Variants in LAMA5 observed in about 807,000 individuals in gnomAD.
LAMA5 encodes laminin subunit alpha-5.
LAMA5 carries 260 observed loss-of-function variants against 433.4 expected under a neutral mutation model. The ratio of observed to expected loss-of-function variants is 0.60; its 90% CI spans 0.54 to 0.66. The LOEUF (loss-of-function observed/expected upper bound fraction) is 0.66. Ranked by LOEUF, LAMA5 falls within the 30% of genes least tolerant of loss-of-function variation. LAMA5 has a pLI of 0.00. For missense variants in LAMA5, 5,378 were observed against 5,258.5 expected, an observed-to-expected ratio of 1.02 and a Z score of -0.70; for synonymous variants, 2,620 against 2,226.6, an observed-to-expected ratio of 1.18 and a Z score of -4.97.
intron 2 of LAMA5, among the ~76,000 whole-genome samples, chr20:62,361,134 G>A (rs536438060): frequency 1.4e-4 from 21 of 152,262 alleles, no homozygotes; most frequent in African/African-American, 5.1e-4. Context: ...CAGCCAAGGT[G>A]GGGGCCTCTG....
At position 62,330,798 on chromosome 20, in the gene LAMA5, C is replaced by T. The variant is rs751200876; in HGVS notation, c.3797G>A (p.Arg1266Gln). 4.3e-5 allele frequency: 67 copies of T among 1,559,026 alleles called. No homozygotes were observed. Among genetic ancestry groups the T allele is most frequent in the Non-Finnish European group, 5.6e-5 (64 of 1,153,066 alleles). Residue 1266 changes from arginine to glutamine, a missense_variant, in exon 30 of 80, where the codon CGG becomes CAG. Transcript: ENST00000252999. ...ATCAGGGTCCACAGCGGTGGGGGGC[C>T]GAGGTCGGGGTCCAGCTGGGGACAT... The part of the protein sequence containing the change: ...PAMSPAGPRP[R>Q]PPTAVDPDAE...
chr20:62,326,938 T>A lies in LAMA5; in HGVS notation c.5141A>T (p.Tyr1714Phe), dbSNP rs368392903. The part of the protein sequence containing the change: ...RVSSYGGTLR[Y>F]ELHSETQRGD... ...CCGCTGGGTCTCTGAGTGCAGTTCA[T>A]AACGGAGGGTCCCACCGTAGGATGA... The change falls in exon 39 of 80, where the codon TAT becomes TTT. Residue 1714 changes from tyrosine (Y) to phenylalanine (F), a missense_variant. Coordinates refer to ENST00000252999, the MANE Select transcript of LAMA5 (RefSeq NM_005560.6). 2.5e-6 allele frequency: 4 copies of A among 1,610,994 alleles called. No homozygotes were observed. The highest frequency in any genetic ancestry group is 3.4e-6 in the Non-Finnish European group (4 of 1,178,492).
At chr20:62,326,410 A>C in intron 40 of LAMA5, 1 of 430,230 alleles carries the variant, frequency 2.3e-6, no homozygotes, top group East Asian at 3.7e-5. Context: ...GCATGGAGGA[A>C]GCCAACAGCT....
Position 62,322,719 on chromosome 20 carries a change from G to GGTAC in LAMA5, c.6103_6104insGTAC (p.Pro2035ArgfsTer19), listed in dbSNP as rs1978501755. The GGTAC allele has an allele frequency of 6.5e-7, 1 of 1,538,530 alleles. No homozygotes were observed. Among genetic ancestry groups the GGTAC allele is most frequent in the Non-Finnish European group, 8.7e-7 (1 of 1,143,828 alleles). On this transcript the variant is annotated frameshift_variant, in exon 46 of 80. Transcript: ENST00000252999. LOFTEE classifies it high-confidence loss of function. ...CTTGCACAGGCAGTGCCCGCTGTGGGGGTCGCAGGCCTCTGTCCCACATGG... is the reference window on the plus strand; with the variant it reads ...CTTGCACAGGCAGTGCCCGCTGTGGGGTACGGTCGCAGGCCTCTGTCCCACATGG...
Position 62,311,067 on chromosome 20 carries a change from C to G in LAMA5, c.10116G>C (p.Pro3372=), listed in dbSNP as rs141956594. Residue 3372 remains proline, a synonymous_variant, in exon 74 of 80, where the codon CCG becomes CCC. Transcript: ENST00000252999. ...AGAGGAGGAGGCCTCGGGAGCTTCG[C>G]GGGAGGACGTGCATGGAGAGACTGG... ...NWPSLSMHVL[P]RSSRGLLLFT... 2 of 1,594,322 alleles carry G rather than the reference C, an allele frequency of 1.3e-6. No homozygotes were observed. The highest frequency in any genetic ancestry group is 2.3e-5 in the South Asian group (2 of 88,802).
rs368044468 is a variant in LAMA5 at position 62,323,781 on chromosome 20, G to A, written c.5844C>T (p.Cys1948=). ...CTGCCCTAGCCCCAGCTCACCGCTC[G>A]CAGGAGGCACCTGCATAACCAGGTT... is the stretch of plus-strand genomic sequence containing the variant. ...LCKPGYAGAS[C]ERCAPGFFGN... The change falls in exon 44 of 80, where the codon TGC becomes TGT. Residue 1948 remains cysteine, a synonymous_variant. Transcript: ENST00000252999. The A allele has an allele frequency of 1.4e-4, 225 of 1,609,718 alleles. 2 individuals carry two copies. Among genetic ancestry groups the A allele is most frequent in the South Asian group, 1.2e-3 (113 of 90,696 alleles).
In LAMA5 at chr20:62,314,543, C is replaced by A; in HGVS notation, c.8367+12G>T. 2 of 1,605,916 alleles carry A rather than the reference C, an allele frequency of 1.2e-6. No individual in the cohort carries two copies. The highest frequency in any genetic ancestry group is 1.7e-6 in the Non-Finnish European group (2 of 1,175,628). ...CTGAGCTCGGGCCGCATCCACCCAG[C>A]CAGCCTGGTACCTGGCGGCTGCCCA... On this transcript the variant is annotated intron_variant, in intron 61 of 79. Coordinates refer to ENST00000252999, the MANE Select transcript of LAMA5 (RefSeq NM_005560.6).
chr20:62,317,822 A>G lies in LAMA5; in HGVS notation c.7240-44T>C, dbSNP rs1987129025. 4.5e-6 allele frequency: 5 copies of G among 1,107,432 alleles called. No individual in the cohort carries two copies. In the East Asian group the frequency reaches 1.6e-4, roughly 36 times the overall value. The allele number at this position is 1,107,432 out of a possible 1,614,324, so 68.6% of individuals were successfully genotyped here. Reference sequence around the variant, plus strand: ...AGTTGGGGACAATGAGGGGTAAGAAAAGAATAAAGGATGTGATGGGGTGGA... The same window carrying G: ...AGTTGGGGACAATGAGGGGTAAGAAGAGAATAAAGGATGTGATGGGGTGGA... On this transcript the variant is annotated intron_variant, in intron 53 of 79. Coordinates refer to ENST00000252999, the MANE Select transcript of LAMA5 (RefSeq NM_005560.6).
chr20:62,366,259 C>T (rs1047000730), intron 1 of LAMA5, among the ~76,000 whole-genome samples: 10 of 152,186 alleles, frequency 6.6e-5, no homozygotes, highest in African/African-American at 2.4e-4. Context: ...TGGAGTCCAC[C>T]AACAGAACCC....
At chr20:62,327,181 G>A (rs373768042) in intron 38 of LAMA5, 52 bp downstream of exon 38, 189 of 1,439,110 alleles carry the variant, frequency 1.3e-4, no homozygotes, top group Non-Finnish European at 1.7e-4. Context: ...AACCCTCTCA[G>A]GCGTCCTGGC....
chr20:62,316,443 C>A, intron 57 of LAMA5: 1 of 520,884 alleles, frequency 1.9e-6, no homozygotes, highest in Non-Finnish European at 3.4e-6. Flanking sequence ...GCTGGTGCCT[C>A]AGTGGCAGCC....
At chr20:62,355,907 C>T (rs543739030) in intron 2 of LAMA5, among the ~76,000 whole-genome samples, 9 of 152,246 alleles carry the variant, frequency 5.9e-5, no homozygotes, top group African/African-American at 1.4e-4. Context: ...CCAAAGGCTC[C>T]GAAGGAGACT....
chr20:62,320,862 C>T lies in LAMA5; in HGVS notation c.6525G>A (p.Leu2175=). Residue 2175 remains leucine (L), a synonymous_variant, in exon 49 of 80, where the codon CTG becomes CTA. Coordinates refer to ENST00000252999, the MANE Select transcript of LAMA5 (RefSeq NM_005560.6). ...EVCDHCVVLL[L]DDLERAGALL... ...GGGCGCCGGCCCGTTCCAGGTCATC[C>T]AGGAGCAGGACCACACAGTGGTCAC... The T allele has an allele frequency of 1.2e-6, 2 of 1,611,956 alleles. No individual in the cohort carries two copies. The highest frequency in any genetic ancestry group is 1.7e-6 in the Non-Finnish European group (2 of 1,179,584).
rs747875381 is a variant in LAMA5, at chr20:62,333,357, C to T, written c.3128+18G>A. On this transcript the variant is annotated intron_variant, in intron 25 of 79. Coordinates refer to ENST00000252999, the MANE Select transcript of LAMA5 (RefSeq NM_005560.6). ...CAGGAAGCCCCCACCCCGGTCCCAC[C>T]GCACGCATGGCCCTCACTTGTCGCC... 214 of 1,611,408 alleles carry T rather than the reference C, an allele frequency of 1.3e-4. No individual in the cohort carries two copies. Among genetic ancestry groups the T allele is most frequent in the Non-Finnish European group, 1.7e-4 (200 of 1,179,016 alleles).
At chr20:62,356,384 C>A (rs1457814623) in intron 2 of LAMA5, 1 of 152,546 alleles carries the variant, frequency 6.6e-6, no homozygotes, top group African/African-American at 2.4e-5. Flanking sequence ...CCCTCCACGC[C>A]CCGCTCAGCT....
intron 36 of LAMA5, 35 bp downstream of exon 36, chr20:62,327,831 G>A: frequency 6.3e-7 from 1 of 1,587,078 alleles, no homozygotes; most frequent in Non-Finnish European, 8.6e-7. Context: ...TGAGGCCGGA[G>A]GGAGAGGCCA....
At chr20:62,331,723 G>C (rs1398525961) in intron 28 of LAMA5, among the ~76,000 whole-genome samples, 1 of 152,236 alleles carries the variant, frequency 6.6e-6, no homozygotes, top group East Asian at 1.9e-4. Flanking sequence ...AACGGTGGGA[G>C]ACGCGGCTGC....
intron 17 of LAMA5, 61 bp from the exon 18 acceptor site, chr20:62,336,506 A>G: frequency 7.1e-7 from 1 of 1,411,338 alleles, no homozygotes; most frequent in Non-Finnish European, 9.9e-7. Flanking sequence ...CACAAACCAT[A>G]GAGCCATAGA....
rs1421210397 is a variant in LAMA5 at position 62,315,344 on chromosome 20, C to T, written c.7868-137G>A. On this transcript the variant is annotated intron_variant, in intron 58 of 79. Transcript: ENST00000252999. ...CGTGTGAGACCCTCACACCCCGCTG[C>T]TCAGTGCAATCCAAACCCATCCTAA... 5.5e-6 allele frequency: 4 copies of T among 726,986 alleles called. No individual in the cohort carries two copies. In the Admixed American group the frequency reaches 8.9e-5, roughly 16 times the overall value. 45.0% of individuals were successfully genotyped at this position (726,986 alleles called of 1,614,324 possible).
Sources: allele counts gnomAD v4.1 joint callset (sites outside exome capture counted in the v4.1 genomes callset), GRCh38; gene constraint gnomAD v4.1.1; transcripts MANE v1.5; gene names NCBI Gene and HGNC (gene_info 2026-07-23, HGNC 2026-07-21).